The following ZNF718 variants were observed in gnomAD, a reference collection of about 807,000 sequenced individuals.
ZNF718 encodes zinc finger protein 718.
A neutral mutation model predicts 2.6 loss-of-function variants in ZNF718; 3 were observed. The observed-to-expected ratio is 1.16, with a 90% CI of 0.53 to 3.01. The LOEUF is 3.01. Among genes scored for constraint, ZNF718 ranks in the 30% most tolerant of loss-of-function variants. The pLI is 0.03. For synonymous variants in ZNF718, 135 were observed against 77.9 expected, an observed-to-expected ratio of 1.73 and a Z score of -3.86; for missense variants, 468 against 230.0, an observed-to-expected ratio of 2.03 and a Z score of -6.69.
At chr4:173,912 A>G (rs1553818615) in intron 3 of ZNF718, among the ~76,000 whole-genome samples, 1 of 152,170 alleles carries the variant, frequency 6.6e-6, no homozygotes, top group Non-Finnish European at 1.5e-5. Flanking sequence ...GTGAATAGCC[A>G]TTGATGCTCG....
At chr4:183,201 T>C (rs1717501889) in intron 3 of ZNF718, among the ~76,000 whole-genome samples, 1 of 152,198 alleles carries the variant, frequency 6.6e-6, no homozygotes, top group African/African-American at 2.4e-5. Flanking sequence ...GGGATTCAGT[T>C]TCAGTTTTCT....
At chr4:167,386 A>G (rs907978371), downstream of ZNF718, among the ~76,000 whole-genome samples, 2 of 152,042 alleles carry the variant, frequency 1.3e-5, no homozygotes, top group Non-Finnish European at 2.9e-5. Context: ...ATTCTGTGAA[A>G]AAAGTCATTG....
At chr4:199,182 T>G (rs1208214473) in intron 3 of ZNF718, among the ~76,000 whole-genome samples, 1 of 152,198 alleles carries the variant, frequency 6.6e-6, no homozygotes, top group African/African-American at 2.4e-5. Flanking sequence ...ATTTTCCTCC[T>G]CTGTAAAAGG....
intron 3 of ZNF718, among the ~76,000 whole-genome samples, chr4:179,160 T>G (rs1717407138): frequency 6.6e-6 from 1 of 152,218 alleles, no homozygotes; most frequent in South Asian, 2.1e-4. Flanking sequence ...TCTTCACTGT[T>G]TGGTCATGAT....
intron 3 of ZNF718, among the ~76,000 whole-genome samples, chr4:147,736 C>T (rs957717696): frequency 1.3e-5 from 2 of 152,092 alleles, no homozygotes; most frequent in Non-Finnish European, 2.9e-5. Flanking sequence ...TGGCAGTGTG[C>T]GCCTGTAGCC....
chr4:145,780 A>G (rs1042795310), intron 3 of ZNF718, among the ~76,000 whole-genome samples: 5 of 152,080 alleles, frequency 3.3e-5, no homozygotes, highest in African/African-American at 1.2e-4. Context: ...AAAAAACCAA[A>G]CAGCTTTGTG....
At chr4:185,025 T>C (rs1411804196) in intron 3 of ZNF718, among the ~76,000 whole-genome samples, 3 of 152,176 alleles carry the variant, frequency 2.0e-5, no homozygotes, top group Admixed American at 1.3e-4. Context: ...ATCTTGGTTA[T>C]TTTTTGTCTT....
intron 3 of ZNF718, among the ~76,000 whole-genome samples, chr4:183,771 A>T (rs1717511460): frequency 6.6e-6 from 1 of 152,026 alleles, no homozygotes; most frequent in Non-Finnish European, 1.5e-5. Flanking sequence ...TGTGGCAGTT[A>T]TGAATGGGAG....
chr4:179,993 CAA>C (rs1717432963), intron 3 of ZNF718, among the ~76,000 whole-genome samples: 1 of 151,132 alleles, frequency 6.6e-6, no homozygotes, highest in Non-Finnish European at 1.5e-5. Flanking sequence ...GAAAAAGAAA[CAA>C]AATGTAAGAA....
rs1180102112 is a variant in ZNF718, at chr4:129,227, G to A, written c.4-1561G>A. Among the ~76,000 whole-genome samples, 3 of 105,178 alleles carry A rather than the reference G, an allele frequency of 2.9e-5. 1 individual carries two copies. The highest frequency in any genetic ancestry group is 6.4e-5 in the Non-Finnish European group (3 of 47,048). The allele number at this position is 105,178 out of a possible 152,430, so 69.0% of individuals were successfully genotyped here. A position where few individuals can be genotyped will look rare whatever the true frequency, so the allele number is the denominator to read the frequency against. Reference sequence around the variant, plus strand: ...TTTTGGTTAAATTCCTTGTTATTGTGTGTTATAATGTTATAAAATAGGGAA... The same window carrying A: ...TTTTGGTTAAATTCCTTGTTATTGTATGTTATAATGTTATAAAATAGGGAA... On this transcript the variant is annotated intron_variant, in intron 1 of 3. Transcript: ENST00000510175.
intron 3 of ZNF718, among the ~76,000 whole-genome samples, chr4:160,402 CA>C (rs1486310600): frequency 2.0e-5 from 3 of 152,042 alleles, no homozygotes; most frequent in Non-Finnish European, 4.4e-5. Flanking sequence ...CACACAAAGG[CA>C]TTTTGGTCAG....
chr4:165,466 A>C (rs1717065116), downstream of ZNF718, among the ~76,000 whole-genome samples: 1 of 152,202 alleles, frequency 6.6e-6, no homozygotes, highest in Admixed American at 6.5e-5. Flanking sequence ...GAAGAAACTC[A>C]TCCAAATTTT....
Position 130,105 on chromosome 4 carries a change from T to A in ZNF718, c.4-683T>A, listed in dbSNP as rs1183080445. On this transcript the variant is annotated intron_variant, in intron 1 of 3. Coordinates refer to ENST00000510175, the MANE Select transcript of ZNF718 (RefSeq NM_001039127.6). ...GGTCTTGTCTTCGGATGTAAAGTAT[T>A]TGTGTCGTGATAAGGGTGTTGCAGT... 1.9e-5 allele frequency among the ~76,000 whole-genome samples: 2 copies of A among 104,004 alleles called. 1 individual carries two copies. The highest frequency in any genetic ancestry group is 4.3e-5 in the Non-Finnish European group (2 of 46,690). 68.2% of individuals were successfully genotyped at this position (104,004 alleles called of 152,430 possible). A position where few individuals can be genotyped will look rare whatever the true frequency, so the allele number is the denominator to read the frequency against.
Position 131,479 on chromosome 4 carries a change from T to A in ZNF718, c.200T>A (p.Ile67Lys). ...AGAAAAGAGCCCTACAATTTGAAGA[T>A]ACATGAAACAGCAGCCAGACCCCCA... ...EQRKEPYNLK[I>K]HETAARPPAV... Residue 67 changes from isoleucine (I) to lysine (K), a missense_variant, in exon 3 of 4, where the codon ATA (isoleucine) becomes AAA (lysine). Ile to Lys is a moderately radical substitution (Grantham distance 102, BLOSUM62 -3). Coordinates refer to ENST00000510175, the MANE Select transcript of ZNF718 (RefSeq NM_001039127.6). 3.9e-6 allele frequency: 2 copies of A among 514,262 alleles called. 1 individual carries two copies. The highest frequency in any genetic ancestry group is 6.2e-6 in the Non-Finnish European group (2 of 321,330). The allele number at this position is 514,262 out of a possible 1,614,324, so 31.9% of individuals were successfully genotyped here. A position where few individuals can be genotyped will look rare whatever the true frequency, so the allele number is the denominator to read the frequency against.
At chr4:196,154 C>T (rs1273912180) in intron 3 of ZNF718, among the ~76,000 whole-genome samples, 10 of 152,134 alleles carry the variant, frequency 6.6e-5, no homozygotes, top group African/African-American at 2.2e-4. Flanking sequence ...CTTCTAAGGC[C>T]CTGGCCAAGG....
At chr4:196,443 G>C (rs183594140) in intron 3 of ZNF718, among the ~76,000 whole-genome samples, 3 of 152,316 alleles carry the variant, frequency 2.0e-5, no homozygotes, top group Admixed American at 2.0e-4. Flanking sequence ...CAACTTGCTA[G>C]AGGAAATGAA....
intron 3 of ZNF718, among the ~76,000 whole-genome samples, chr4:149,524 A>G (rs868965480): frequency 6.6e-6 from 1 of 152,036 alleles, no homozygotes. Flanking sequence ...TAATCTTCAT[A>G]TTTGGTAATT....
At position 130,888 on chromosome 4, in the gene ZNF718, A is replaced by G; in HGVS notation, c.104A>G (p.Glu35Gly). 1 of 366,744 alleles carries G rather than the reference A, an allele frequency of 2.7e-6. No individual in the cohort carries two copies. The highest frequency in any genetic ancestry group is 4.9e-6 in the Non-Finnish European group (1 of 204,656). The allele number at this position is 366,744 out of a possible 1,614,324, so 22.7% of individuals were successfully genotyped here. ...QQNLYRDVML[E>G]NYRNLVSLGV... The stretch of plus-strand genomic sequence containing the variant: ...AATTTATATAGAGATGTGATGTTGG[A>G]GAACTACAGAAACCTGGTCTCCCTG... Residue 35 changes from glutamate (E) to glycine (G), a missense_variant, in exon 2 of 4, where the codon GAG (glutamate) becomes GGG (glycine). Physicochemically the swap from Glu to Gly is moderately conservative, Grantham distance 98. Transcript: ENST00000510175.
chr4:200,823 G>A (rs950246555), intron 3 of ZNF718, among the ~76,000 whole-genome samples: 12 of 152,140 alleles, frequency 7.9e-5, no homozygotes, highest in African/African-American at 2.9e-4. Flanking sequence ...ATTATTTAAT[G>A]CTGCAAGTTT....
Sources: gnomAD v4.1 joint callset for allele counts (sites outside exome capture counted in the v4.1 genomes callset) on GRCh38, gnomAD v4.1.1 for gene constraint, MANE v1.5 for transcripts, NCBI Gene and HGNC (gene_info 2026-07-23, HGNC 2026-07-21) for gene names.